SLC25A23: variants seen among roughly 807,000 people sequenced by gnomAD.
SLC25A23 encodes the protein solute carrier family 25 member 23.
Under a neutral mutation model 53.9 loss-of-function variants are expected in SLC25A23, and 32 were observed. That is an observed-to-expected ratio of 0.59 (90% CI 0.45 to 0.80). The LOEUF is 0.80. Among genes scored for constraint, SLC25A23 ranks in the 30% least tolerant of loss-of-function variants. The pLI, the probability that SLC25A23 is intolerant of heterozygous loss-of-function variation, is 0.00. For missense variants in SLC25A23, 575 were observed against 651.4 expected (o/e 0.88, Z 1.28); for synonymous variants, 275 against 264.5 (o/e 1.04, Z -0.38).
intron 9 of SLC25A23, among the ~76,000 whole-genome samples, chr19:6,442,934 C>CTT (rs1024821991): frequency 2.7e-4 from 30 of 113,138 alleles, no homozygotes; most frequent in East Asian, 1.7e-3. Flanking sequence ...ATGCCCAGCC[C>CTT]TTTTTTTTTT....
Position 6,459,584 on chromosome 19 carries a change from AC to A in SLC25A23, c.44del (p.Gly15ValfsTer117). The A allele has an allele frequency of 6.5e-7, 1 of 1,542,916 alleles. No individual in the cohort carries two copies. ...TACTGTCCAGCTCCTCGAACAGGCG[AC>A]CCCAGCGCTGCCGCCGCTCCGCGTC... Reference protein sequence around the residue: ...PGDAERRQRWGRLFEELDSNK... With the variant: ...PGDAERRQRWXRLFEELDSNK... On this transcript the variant is annotated frameshift_variant, in exon 1 of 10. Coordinates refer to ENST00000301454, the MANE Select transcript of SLC25A23 (RefSeq NM_024103.3). LOFTEE classifies it high-confidence loss of function. This position sits in a 1 kb window ranked among gnomAD's most constrained non-coding sequence, Gnocchi z 4.6.
At position 6,444,170 on chromosome 19, in the gene SLC25A23, C is replaced by T; in HGVS notation, c.1203G>A (p.Arg401=). 1 of 1,592,240 alleles carries T rather than the reference C, an allele frequency of 6.3e-7. No homozygotes were observed. The highest frequency in any genetic ancestry group is 8.6e-7 in the Non-Finnish European group (1 of 1,168,642). Residue 401 remains arginine (R), a synonymous_variant, in exon 9 of 10, where the codon CGG becomes CGA. Coordinates refer to ENST00000301454, the MANE Select transcript of SLC25A23 (RefSeq NM_024103.3). ...CCTCACCTTGTGCCTGCATGCGGGT[C>T]CGGACCAGGGCCAGCGGGTAACTGG... ...QIASYPLALV[R]TRMQAQASIE... is the part of the protein sequence containing the mutation.
chr19:6,458,416 C>T (rs374180337), intron 1 of SLC25A23, 92 bp from the exon 2 acceptor site: 8 of 1,408,610 alleles, frequency 5.7e-6, no homozygotes, highest in Non-Finnish European at 7.6e-6. Flanking sequence ...GAACCCAGAG[C>T]CCCCAGCGCC....
intron 8 of SLC25A23, 95 bp downstream of exon 8, chr19:6,452,217 A>C: frequency 2.7e-6 from 4 of 1,501,202 alleles, no homozygotes; most frequent in Non-Finnish European, 3.6e-6. Context: ...TAACTATAGC[A>C]GGTCAACTGA....
chr19:6,446,050 A>G (rs536053772), intron 8 of SLC25A23, among the ~76,000 whole-genome samples: 10 of 152,076 alleles, frequency 6.6e-5, no homozygotes, highest in Admixed American at 2.0e-4. Context: ...CCTGGGCGAC[A>G]AGAGTGAGAC....
intron 4 of SLC25A23, among the ~76,000 whole-genome samples, chr19:6,455,668 C>CCCT (rs1456220140): frequency 6.6e-6 from 1 of 151,824 alleles, no homozygotes; most frequent in Non-Finnish European, 1.5e-5. Context: ...ACCCCCACTA[C>CCCT]CCTCTCTAGT....
chr19:6,450,413 T>A (rs545804066), intron 8 of SLC25A23, among the ~76,000 whole-genome samples: 5 of 152,274 alleles, frequency 3.3e-5, no homozygotes, highest in African/African-American at 1.2e-4. Context: ...AATCCTGTCT[T>A]GTGATCTTCT....
At chr19:6,444,358 T>G in intron 8 of SLC25A23, 57 bp from the exon 9 acceptor site, 1 of 1,521,276 alleles carries the variant, frequency 6.6e-7, no homozygotes, top group Middle Eastern at 1.8e-4. Context: ...GACCCTGGCT[T>G]CAAAGGCCTG....
At chr19:6,450,228 C>A (rs74585960) in intron 8 of SLC25A23, among the ~76,000 whole-genome samples, 2 of 151,948 alleles carry the variant, frequency 1.3e-5, no homozygotes, top group Non-Finnish European at 2.9e-5. Context: ...TCAGTCCCCC[C>A]CAGACACCTA....
intron 8 of SLC25A23, among the ~76,000 whole-genome samples, chr19:6,448,620 A>G (rs348342): frequency 1.3e-5 from 2 of 150,970 alleles, no homozygotes; most frequent in African/African-American, 4.9e-5. Flanking sequence ...ACAGGTGCCC[A>G]CCACCACGCC....
intron 7 of SLC25A23, among the ~76,000 whole-genome samples, chr19:6,453,397 C>A (rs1181154628): frequency 2.6e-5 from 4 of 151,904 alleles, no homozygotes; most frequent in African/African-American, 4.8e-5. Flanking sequence ...CCACCACCAT[C>A]CCCAGCTAAT....
At chr19:6,455,875 C>T (rs2092674147) in intron 4 of SLC25A23, 1 of 498,406 alleles carries the variant, frequency 2.0e-6, no homozygotes, top group Non-Finnish European at 3.3e-6. Flanking sequence ...CCTGCCACTA[C>T]ACCTGGCTCA....
At chr19:6,439,551 G>C (rs543536894), downstream of SLC25A23, among the ~76,000 whole-genome samples, 1 of 152,072 alleles carries the variant, frequency 6.6e-6, no homozygotes, top group Non-Finnish European at 1.5e-5. Context: ...TACAGAGGCC[G>C]GGCGTGGTGG....
chr19:6,447,735 A>G (rs1322744543), intron 8 of SLC25A23, among the ~76,000 whole-genome samples: 1 of 152,080 alleles, frequency 6.6e-6, no homozygotes, highest in Non-Finnish European at 1.5e-5. Flanking sequence ...CAGCGGCACA[A>G]TCTCAGCTCA....
intron 8 of SLC25A23, among the ~76,000 whole-genome samples, chr19:6,446,288 G>C (rs1008316147): frequency 6.6e-6 from 1 of 151,314 alleles, no homozygotes; most frequent in African/African-American, 2.4e-5. Context: ...GCCTGAACCG[G>C]GGAGGCGGAG....
chr19:6,459,500 C>G lies in SLC25A23; in HGVS notation c.129G>C (p.Gly43=). 6.3e-7 allele frequency: 1 copy of G among 1,594,198 alleles called. No homozygotes were observed. The highest frequency in any genetic ancestry group is 8.5e-7 in the Non-Finnish European group (1 of 1,175,954). The change falls in exon 1 of 10, where the codon GGG becomes GGC. Residue 43 remains glycine, a synonymous_variant. Transcript: ENST00000301454. The surrounding 1 kb of genome is among the most constrained non-coding windows in gnomAD (Gnocchi z 4.6). ...ELRQGLARLG[G]GNPDPGAQQG... ...GTTGGGCGCCGGGGTCTGGGTTGCC[C>G]CCGCCCAGCCTGGCCAGCCCCTGGC...
chr19:6,447,530 T>C (rs916802862), intron 8 of SLC25A23, among the ~76,000 whole-genome samples: 87 of 152,034 alleles, frequency 5.7e-4, no homozygotes, highest in Non-Finnish European at 2.9e-5. Context: ...GTCGCCTGGG[T>C]TGGAGTGCAA....
intron 8 of SLC25A23, among the ~76,000 whole-genome samples, chr19:6,444,793 G>T (rs1030274973): frequency 6.6e-6 from 1 of 150,748 alleles, no homozygotes; most frequent in Admixed American, 6.6e-5. Context: ...TCAGCCTCCC[G>T]GGTAGCTGGG....
At chr19:6,452,180 G>A in intron 8 of SLC25A23, 132 bp downstream of exon 8, 1 of 1,276,880 alleles carries the variant, frequency 7.8e-7, no homozygotes, top group South Asian at 1.5e-5. Context: ...GGGCCAAGGT[G>A]CTCCTCACCT....
Sources: gnomAD v4.1 joint callset for allele counts (sites outside exome capture counted in the v4.1 genomes callset) on GRCh38, gnomAD v4.1.1 for gene constraint, Gnocchi (gnomAD v3.1) non-coding constraint, MANE v1.5 for transcripts, NCBI Gene and HGNC (gene_info 2026-07-23, HGNC 2026-07-21) for gene names.